MAPK12: variants seen among roughly 807,000 people sequenced by gnomAD.
The protein encoded by MAPK12 is MAP kinase 12.
A neutral mutation model predicts 49.1 loss-of-function variants in MAPK12; 49 were observed. That is an observed-to-expected ratio of 1.00 (90% confidence interval 0.79 to 1.27). The LOEUF (loss-of-function observed/expected upper bound fraction) is 1.27, where lower values mean the gene tolerates loss of function less well. Ranked by LOEUF, MAPK12 falls within the 50% of genes most tolerant of loss-of-function variation. The probability of loss-of-function intolerance (pLI) is 0.00; values close to 1 mark genes in which losing one functional copy is unlikely to be tolerated. For missense variants in MAPK12, 554 were observed against 502.4 expected (o/e 1.10, Z -0.98); for synonymous variants, 251 against 209.7 (o/e 1.20, Z -1.70).
intron 11 of MAPK12, 123 bp downstream of exon 11, chr22:50,255,074 A>G (rs963184544): frequency 1.8e-5 from 28 of 1,521,730 alleles, no homozygotes; most frequent in Non-Finnish European, 2.3e-5. Context: ...CCCTACCCGG[A>G]GCCCCCAACT....
In MAPK12 at chr22:50,261,188, G is replaced by C. The variant is rs1415488299; in HGVS notation, c.234C>G (p.Leu78=). Residue 78 remains leucine (L), a synonymous_variant, in exon 2 of 12, where the codon CTC becomes CTG. Transcript: ENST00000215659. ...AKRAYRELRL[L]KHMRHENVIG... ...TCACGTTCTCGTGGCGCATGTGCTTGAGCAGGCGCAGCTCGCGGTAGGCGC... is the reference window on the plus strand; with the variant it reads ...TCACGTTCTCGTGGCGCATGTGCTTCAGCAGGCGCAGCTCGCGGTAGGCGC... 2 of 1,592,838 alleles carry C rather than the reference G, an allele frequency of 1.3e-6. No individual in the cohort carries two copies.
intron 11 of MAPK12, chr22:50,254,036 G>A (rs545478806): frequency 1.9e-5 from 3 of 156,440 alleles, no homozygotes; most frequent in Admixed American, 1.2e-4. Context: ...TACTTTCCCC[G>A]GGCACACCCA....
Position 50,253,436 on chromosome 22 carries a change from G to T in MAPK12, c.1069C>A (p.Leu357Met). Residue 357 changes from leucine (L) to methionine (M), a missense_variant, in exon 12 of 12, where the codon CTG (leucine) becomes ATG (methionine). Coordinates refer to ENST00000215659, the MANE Select transcript of MAPK12 (RefSeq NM_002969.6). ...GTCTCCTTGGAGACCCTGGCCCCCA[G>T]CTGCCGGGGAGGCTTGAAGCTGAGC... ...EVLSFKPPRQ[L>M]GARVSKETPL The T allele has an allele frequency of 6.4e-7, 1 of 1,552,460 alleles. No homozygotes were observed. The highest frequency in any genetic ancestry group is 2.4e-5 in the East Asian group (1 of 41,424).
chr22:50,261,319 G>T (rs1480084182), intron 1 of MAPK12, 23 bp from the exon 2 acceptor site: 26 of 1,345,092 alleles, frequency 1.9e-5, no homozygotes, highest in Non-Finnish European at 2.3e-5. Context: ...CCGCTTAGCG[G>T]GAAGGCCGGG....
At chr22:50,253,642 G>A (rs1386810919) in intron 11 of MAPK12, 162 bp from the exon 12 acceptor site, 5 of 607,206 alleles carry the variant, frequency 8.2e-6, no homozygotes, top group East Asian at 5.5e-5. Flanking sequence ...AGAGGCCATT[G>A]CTCTAGATCT....
At chr22:50,258,457 G>A (rs1478875324) in intron 2 of MAPK12, among the ~76,000 whole-genome samples, 156 bp from the exon 3 acceptor site, 1 of 152,204 alleles carries the variant, frequency 6.6e-6, no homozygotes, top group African/African-American at 2.4e-5. Flanking sequence ...TGGCAGTGTG[G>A]CCCAGCCCTG....
At chr22:50,260,466 G>A (rs144357998) in intron 2 of MAPK12, among the ~76,000 whole-genome samples, 1 of 152,120 alleles carries the variant, frequency 6.6e-6, no homozygotes, top group African/African-American at 2.4e-5. Flanking sequence ...CTGGCAGAGA[G>A]ATCGGGTTCT....
chr22:50,256,609 C>T lies in MAPK12; in HGVS notation c.494G>A (p.Cys165Tyr). ...CCAGGCAGCACACACCTTCAGCTCA[C>T]AGTCTTCGTTCACAGCCAGGTTGCC... ...KPGNLAVNED[C>Y]ELKILDFGLA... is the part of the protein sequence containing the mutation. The change falls in exon 6 of 12, where the codon TGT becomes TAT. Residue 165 changes from cysteine to tyrosine, a missense_variant. Cys to Tyr is a radical substitution (Grantham distance 194, BLOSUM62 -2). Coordinates refer to ENST00000215659, the MANE Select transcript of MAPK12 (RefSeq NM_002969.6). The T allele has an allele frequency of 6.2e-7, 1 of 1,612,014 alleles. No individual in the cohort carries two copies. Among genetic ancestry groups the T allele is most frequent in the Non-Finnish European group, 8.5e-7 (1 of 1,179,334 alleles).
In MAPK12 at chr22:50,257,111, G is replaced by A. The variant is rs931253980; in HGVS notation, c.397C>T (p.Leu133Phe). Reference sequence around the variant, plus strand: ...AGCCCCTTCAGCATCTGGTACACGAGGAACTGGATCCGGTCCTCGCCTAGC... The same window carrying A: ...AGCCCCTTCAGCATCTGGTACACGAAGAACTGGATCCGGTCCTCGCCTAGC... ...EKLGEDRIQF[L>F]VYQMLKGLRY... The change falls in exon 4 of 12, where the codon CTC becomes TTC. Residue 133 changes from leucine to phenylalanine, a missense_variant. Physicochemically the swap from Leu to Phe is conservative, Grantham distance 22. Coordinates refer to ENST00000215659, the MANE Select transcript of MAPK12 (RefSeq NM_002969.6). The A allele has an allele frequency of 1.9e-6, 3 of 1,612,756 alleles. No homozygotes were observed. Among genetic ancestry groups the A allele is most frequent in the Non-Finnish European group, 2.5e-6 (3 of 1,179,932 alleles).
At chr22:50,255,578 G>GGCCCCCCCCCCCCCCCCCCCCCCC in intron 9 of MAPK12, 37 bp downstream of exon 9, 1 of 1,582,006 alleles carries the variant, frequency 6.3e-7, no homozygotes, top group Non-Finnish European at 8.7e-7. Flanking sequence ...GCCCAGGTCC[G>GGCCCCCCCCCCCCCCCCCCCCCCC]CCCCCACCCC....
At chr22:50,255,578 G>GCCCCCCCCCCCCCCCCCCACCCCCCACCC in intron 9 of MAPK12, 37 bp downstream of exon 9, 1 of 1,581,972 alleles carries the variant, frequency 6.3e-7, no homozygotes, top group Admixed American at 1.7e-5. Flanking sequence ...GCCCAGGTCC[G>GCCCCCCCCCCCCCCCCCCACCCCCCACCC]CCCCCACCCC....
In MAPK12 at chr22:50,261,371, C is replaced by A; in HGVS notation, c.125+14G>T. Reference sequence around the variant, plus strand: ...CGCCCGCCCCGCCGGCCGCCCCGCCCGGCCCGCGCTCACCACACCGCGCCG... The same window carrying A: ...CGCCCGCCCCGCCGGCCGCCCCGCCAGGCCCGCGCTCACCACACCGCGCCG... On this transcript the variant is annotated intron_variant, in intron 1 of 11. Transcript: ENST00000215659. 1 of 1,139,422 alleles carries A rather than the reference C, an allele frequency of 8.8e-7. No homozygotes were observed. Among genetic ancestry groups the A allele is most frequent in the East Asian group, 5.7e-5 (1 of 17,492 alleles). The allele number at this position is 1,139,422 out of a possible 1,614,324, so 70.6% of individuals were successfully genotyped here. A position where few individuals can be genotyped will look rare whatever the true frequency, so the allele number is the denominator to read the frequency against.
At chr22:50,256,877 G>A in intron 5 of MAPK12, 58 bp downstream of exon 5, 2 of 1,584,860 alleles carry the variant, frequency 1.3e-6, no homozygotes, top group Non-Finnish European at 8.6e-7. Context: ...GTGGGACGTG[G>A]AGGCGGGGGG....
chr22:50,258,484 G>T (rs1215874936), intron 2 of MAPK12, among the ~76,000 whole-genome samples, 183 bp from the exon 3 acceptor site: 2 of 152,200 alleles, frequency 1.3e-5, no homozygotes, highest in African/African-American at 4.8e-5. Flanking sequence ...ATACCCACTG[G>T]CAGTGTGGCC....
chr22:50,257,206 C>A lies in MAPK12; in HGVS notation c.315-13G>T, dbSNP rs1439531900. On this transcript the variant is annotated splice_polypyrimidine_tract_variant and intron_variant, in intron 3 of 11. Coordinates refer to ENST00000215659, the MANE Select transcript of MAPK12 (RefSeq NM_002969.6). Reference sequence around the variant, plus strand: ...CATCACCAGGTAACTGTGGGAGGGGCCGGAGCGCTGTCAGCGGACAGAGCC... The same window carrying A: ...CATCACCAGGTAACTGTGGGAGGGGACGGAGCGCTGTCAGCGGACAGAGCC... 2 of 1,603,218 alleles carry A rather than the reference C, an allele frequency of 1.2e-6. No individual in the cohort carries two copies. The highest frequency in any genetic ancestry group is 1.7e-6 in the Non-Finnish European group (2 of 1,172,206).
intron 2 of MAPK12, among the ~76,000 whole-genome samples, chr22:50,260,359 A>T (rs191712891): frequency 1.2e-4 from 18 of 151,940 alleles, no homozygotes; most frequent in African/African-American, 4.3e-4. Flanking sequence ...GGGTGCCCAG[A>T]CCACCAGCCC....
At chr22:50,261,322 A>C (rs1256093543) in intron 1 of MAPK12, 26 bp from the exon 2 acceptor site, 1 of 1,333,860 alleles carries the variant, frequency 7.5e-7, no homozygotes, top group Non-Finnish European at 9.7e-7. Flanking sequence ...CTTAGCGGGA[A>C]GGCCGGGCAC....
rs927582407 is a variant in MAPK12, at chr22:50,255,315, T to C, written c.906A>G (p.Ala302=). The change falls in exon 11 of 12, where the codon GCA becomes GCG. Residue 302 remains alanine, a synonymous_variant. Transcript: ENST00000215659. ...LVLDAEQRVT[A]GEALAHPYFE... The stretch of plus-strand genomic sequence containing the variant: ...AGTAGGGATGGGCCAGCGCCTCGCC[T>C]GCCGTCACCCGCTGCTCCGCGTCCA... 13 of 1,613,540 alleles carry C rather than the reference T, an allele frequency of 8.1e-6. No individual in the cohort carries two copies. Among genetic ancestry groups the C allele is most frequent in the Non-Finnish European group, 1.1e-5 (13 of 1,180,004 alleles).
rs1338625341 is a variant in MAPK12 at position 50,261,425 on chromosome 22, C to T, written c.85G>A (p.Asp29Asn). 5.2e-5 allele frequency: 65 copies of T among 1,261,040 alleles called. No individual in the cohort carries two copies. Among genetic ancestry groups the T allele is most frequent in the Non-Finnish European group, 6.4e-5 (63 of 980,452 alleles). 78.1% of individuals were successfully genotyped at this position (1,261,040 alleles called of 1,614,324 possible). The change falls in exon 1 of 12, where the codon GAC becomes AAC. Residue 29 changes from aspartate (D) to asparagine (N), a missense_variant. Coordinates refer to ENST00000215659, the MANE Select transcript of MAPK12 (RefSeq NM_002969.6). ...GCGCCCGAGCCCACGGGCTGCAGGT[C>T]CCGGTACACGGCGCGCACCTCCCAG... ...TAWEVRAVYR[D>N]LQPVGSGAYG... is the part of the protein sequence containing the mutation.
Sources: allele counts gnomAD v4.1 joint callset (sites outside exome capture counted in the v4.1 genomes callset), GRCh38; gene constraint gnomAD v4.1.1; transcripts MANE v1.5; gene names NCBI Gene and HGNC (gene_info 2026-07-23, HGNC 2026-07-21).